Variants in TMPRSS11E observed in about 807,000 individuals in gnomAD.
TMPRSS11E encodes transmembrane serine protease 11E, also known as transmembrane protease serine 11E.
TMPRSS11E carries 38 observed loss-of-function variants against 48.1 expected under a neutral mutation model. That is an observed-to-expected ratio of 0.79 (90% CI 0.61 to 1.04). TMPRSS11E has a LOEUF of 1.04. Ranked by LOEUF, TMPRSS11E falls within the 50% of genes least tolerant of loss-of-function variation. The pLI, the probability that TMPRSS11E is intolerant of heterozygous loss-of-function variation, is 0.00. For missense variants in TMPRSS11E, 530 were observed against 510.8 expected, an observed-to-expected ratio of 1.04 and a Z score of -0.36; for synonymous variants, 158 against 171.9, an observed-to-expected ratio of 0.92 and a Z score of 0.63.
intron 8 of TMPRSS11E, among the ~76,000 whole-genome samples, chr4:68,478,149 CT>C (rs141071822): frequency 5.2e-5 from 7 of 134,232 alleles, no homozygotes; most frequent in African/African-American, 1.9e-4. Flanking sequence ...GTATCACTAT[CT>C]TTTTTTTTTT....
Position 68,490,518 on chromosome 4 carries a change from C to T in TMPRSS11E, c.1111-6125C>T, listed in dbSNP as rs905707820. 3.3e-5 allele frequency among the ~76,000 whole-genome samples: 5 copies of T among 152,018 alleles called. No homozygotes were observed. The South Asian group carries it at 8.3e-4, about 25-fold the overall frequency. On this transcript the variant is annotated intron_variant, in intron 9 of 9. Coordinates refer to ENST00000305363, the MANE Select transcript of TMPRSS11E (RefSeq NM_014058.4). ...TTGATGCTCAGGTGAGGGACTAATG[C>T]TCATTACTACTGCATGGAGGTTAGG...
intron 8 of TMPRSS11E, among the ~76,000 whole-genome samples, chr4:68,478,302 C>T (rs1274858059): frequency 1.3e-5 from 2 of 151,206 alleles, no homozygotes; most frequent in Admixed American, 1.3e-4. Context: ...ACTACAGGTG[C>T]CCGCCTAATT....
chr4:68,470,425 G>T (rs1330873391), intron 4 of TMPRSS11E, among the ~76,000 whole-genome samples: 1 of 151,760 alleles, frequency 6.6e-6, no homozygotes, highest in Non-Finnish European at 1.5e-5. Context: ...ATATTGAAAA[G>T]AATCCACTGG....
At chr4:68,493,967 G>A (rs1308153688) in intron 9 of TMPRSS11E, among the ~76,000 whole-genome samples, 1 of 151,982 alleles carries the variant, frequency 6.6e-6, no homozygotes, top group Non-Finnish European at 1.5e-5. Context: ...CATATCCCTT[G>A]TTTGAATTTC....
At chr4:68,481,313 T>C (rs1358344555) in intron 9 of TMPRSS11E, among the ~76,000 whole-genome samples, 2 of 152,200 alleles carry the variant, frequency 1.3e-5, no homozygotes, top group East Asian at 1.9e-4. Context: ...TTGTGTATAA[T>C]ATACCCAGTA....
At chr4:68,456,477 G>GAA (rs1328735172) in intron 1 of TMPRSS11E, among the ~76,000 whole-genome samples, 1 of 151,894 alleles carries the variant, frequency 6.6e-6, no homozygotes, top group Non-Finnish European at 1.5e-5. Flanking sequence ...AAACAGCAAT[G>GAA]AAAATATATA....
At chr4:68,495,627 T>A (rs1205614143) in intron 9 of TMPRSS11E, among the ~76,000 whole-genome samples, 1 of 152,152 alleles carries the variant, frequency 6.6e-6, no homozygotes, top group African/African-American at 2.4e-5. Context: ...TATTAGTTAA[T>A]TTTTTAAATG....
Position 68,477,747 on chromosome 4 carries a change from C to A in TMPRSS11E, c.967+119C>A, listed in dbSNP as rs1729272365. 5 of 1,270,040 alleles carry A rather than the reference C, an allele frequency of 3.9e-6. No homozygotes were observed. In the Admixed American group the frequency reaches 6.6e-5, roughly 17 times the overall value. 78.7% of individuals were successfully genotyped at this position (1,270,040 alleles called of 1,614,324 possible). ...TGTGGTCATATGACCTGGACCAAGTCAGGCCCTAAAAGTGAAGTAAATAAC... is the reference window on the plus strand; with the variant it reads ...TGTGGTCATATGACCTGGACCAAGTAAGGCCCTAAAAGTGAAGTAAATAAC... On this transcript the variant is annotated intron_variant, in intron 8 of 9. Transcript: ENST00000305363.
intron 6 of TMPRSS11E, among the ~76,000 whole-genome samples, chr4:68,475,757 T>A (rs562968422): frequency 6.6e-6 from 1 of 152,190 alleles, no homozygotes; most frequent in Non-Finnish European, 1.5e-5. Flanking sequence ...GGGGGAGGGC[T>A]ACTGGCATCT....
At chr4:68,463,484 G>A (rs1360203944) in intron 2 of TMPRSS11E, among the ~76,000 whole-genome samples, 1 of 152,042 alleles carries the variant, frequency 6.6e-6, no homozygotes, top group Admixed American at 6.6e-5. Flanking sequence ...TCTATTTTTA[G>A]CAGAGACAGG....
intron 4 of TMPRSS11E, among the ~76,000 whole-genome samples, 181 bp downstream of exon 4, chr4:68,469,127 T>C (rs1025525841): frequency 4.6e-5 from 7 of 152,102 alleles, no homozygotes; most frequent in African/African-American, 1.7e-4. Context: ...AAGTAAGCAT[T>C]TGCAAGATGG....
chr4:68,486,669 A>G (rs1004513910), intron 9 of TMPRSS11E, among the ~76,000 whole-genome samples: 1 of 152,112 alleles, frequency 6.6e-6, no homozygotes, highest in East Asian at 1.9e-4. Flanking sequence ...TCAAGTGTTG[A>G]GTTTAGGTTC....
At chr4:68,471,698 T>A (rs528054839) in intron 5 of TMPRSS11E, 75 bp downstream of exon 5, 45 of 1,162,500 alleles carry the variant, frequency 3.9e-5, no homozygotes, top group East Asian at 1.4e-4. Flanking sequence ...TATTAAAAAA[T>A]TTTTTTTGAT....
chr4:68,496,580 A>T (rs1389968718), intron 9 of TMPRSS11E, 63 bp from the exon 10 acceptor site: 7 of 1,485,514 alleles, frequency 4.7e-6, no homozygotes, highest in Non-Finnish European at 5.4e-6. Context: ...TAAGTTAGAA[A>T]AATAGCCAAT....
chr4:68,466,393 G>C (rs181750570), intron 2 of TMPRSS11E, among the ~76,000 whole-genome samples: 1 of 152,226 alleles, frequency 6.6e-6, no homozygotes, highest in Non-Finnish European at 1.5e-5. Flanking sequence ...TACTTGTACA[G>C]TACTCCAGGA....
chr4:68,463,052 A>G (rs1317859816), intron 2 of TMPRSS11E, among the ~76,000 whole-genome samples: 1 of 152,188 alleles, frequency 6.6e-6, no homozygotes, highest in East Asian at 1.9e-4. Flanking sequence ...CATAGAAGCT[A>G]ATAACTTGAT....
At chr4:68,492,958 T>C (rs1471994470) in intron 9 of TMPRSS11E, among the ~76,000 whole-genome samples, 1 of 152,192 alleles carries the variant, frequency 6.6e-6, no homozygotes, top group Non-Finnish European at 1.5e-5. Flanking sequence ...CCTCCAACTT[T>C]CCTGAAACTG....
intron 5 of TMPRSS11E, among the ~76,000 whole-genome samples, chr4:68,471,836 C>T (rs1193292504): frequency 1.3e-5 from 2 of 151,794 alleles, no homozygotes; most frequent in African/African-American, 4.8e-5. Flanking sequence ...TTATTAACTC[C>T]TTAGCAGTTT....
At chr4:68,478,149 CTTT>C (rs141071822) in intron 8 of TMPRSS11E, among the ~76,000 whole-genome samples, 2 of 134,240 alleles carry the variant, frequency 1.5e-5, no homozygotes, top group Non-Finnish European at 1.6e-5. Flanking sequence ...GTATCACTAT[CTTT>C]TTTTTTTTTT....
Sources: gnomAD v4.1 joint callset for allele counts (sites outside exome capture counted in the v4.1 genomes callset) on GRCh38, gnomAD v4.1.1 for gene constraint, MANE v1.5 for transcripts, NCBI Gene and HGNC (gene_info 2026-07-23, HGNC 2026-07-21) for gene names.